Variants in CHRND observed in about 807,000 individuals in gnomAD.
The protein encoded by CHRND is cholinergic receptor nicotinic delta subunit, also known as acetylcholine receptor subunit delta.
In CHRND, 40 loss-of-function variants were observed where a neutral mutation model predicts 57.8. The ratio of observed to expected loss-of-function variants is 0.69; its 90% CI spans 0.54 to 0.90. The LOEUF (loss-of-function observed/expected upper bound fraction) is 0.90. Ranked by LOEUF, CHRND falls within the 40% of genes least tolerant of loss-of-function variation. The probability of loss-of-function intolerance (pLI) is 0.00; values close to 1 mark genes in which losing one functional copy is unlikely to be tolerated. For synonymous variants in CHRND, 237 were observed against 270.6 expected, an observed-to-expected ratio of 0.88 and a Z score of 1.22; for missense variants, 634 against 673.9, an observed-to-expected ratio of 0.94 and a Z score of 0.66.
At chr2:232,531,780 T>A (rs539278587) in intron 9 of CHRND, 124 bp downstream of exon 9, 1 of 775,528 alleles carries the variant, frequency 1.3e-6, no homozygotes, top group African/African-American at 1.7e-5. Flanking sequence ...GACACCCCTG[T>A]CTCTATAAAC....
chr2:232,534,276 G>A lies in CHRND; in HGVS notation c.1305G>A (p.Leu435=), dbSNP rs1308099601. The A allele has an allele frequency of 1.9e-6, 3 of 1,614,108 alleles. No individual in the cohort carries two copies. The highest frequency in any genetic ancestry group is 1.3e-5 in the African/African-American group (1 of 74,936). The change falls in exon 11 of 12, where the codon CTG becomes CTA. Residue 435 remains leucine, a synonymous_variant. Coordinates refer to ENST00000258385, the MANE Select transcript of CHRND (RefSeq NM_000751.3). ...CCCAGCAGGAACTCTTCAATGAGCT[G>A]AAGCCAGCTGTGGATGGGGCAAACT... is the stretch of plus-strand genomic sequence containing the variant. The part of the protein sequence containing the change: ...EQAQQELFNE[L]KPAVDGANFI...
Position 232,535,628 on chromosome 2 carries a change from CAGAT to C in CHRND, c.*319_*322del, listed in dbSNP as rs758688487. On this transcript the variant is annotated 3_prime_UTR_variant, in exon 12 of 12. Coordinates refer to ENST00000258385, the MANE Select transcript of CHRND (RefSeq NM_000751.3). ...GGGGAGAGCTCTGATAGGGGTGAGA[CAGAT>C]AGGGCCCCTTCTCTGCTTCTCCTCC... 67 of 551,454 alleles carry C rather than the reference CAGAT, an allele frequency of 1.2e-4. 1 individual carries two copies. The highest frequency in any genetic ancestry group is 2.8e-5 in the Non-Finnish European group (8 of 290,738). 34.2% of individuals were successfully genotyped at this position (551,454 alleles called of 1,614,324 possible). A position where few individuals can be genotyped will look rare whatever the true frequency, so the allele number is the denominator to read the frequency against.
At chr2:232,532,663 C>T (rs1229670982) in intron 9 of CHRND, among the ~76,000 whole-genome samples, 5 of 152,154 alleles carry the variant, frequency 3.3e-5, no homozygotes, top group Admixed American at 6.5e-5. Flanking sequence ...GACGCAGCAG[C>T]ACATGCTGCA....
At position 232,528,238 on chromosome 2, in the gene CHRND, G is replaced by C. The variant is rs774721327; in HGVS notation, c.244-24G>C. ...AGCCTGGATGGCTGCAGAGTGCACT[G>C]GTGACATGCCTTTGGGATTCCAGGG... is the stretch of plus-strand genomic sequence containing the variant. On this transcript the variant is annotated intron_variant, in intron 3 of 11. Coordinates refer to ENST00000258385, the MANE Select transcript of CHRND (RefSeq NM_000751.3). The C allele has an allele frequency of 2.5e-6, 4 of 1,610,198 alleles. No individual in the cohort carries two copies. The South Asian group carries it at 4.4e-5, about 18-fold the overall frequency.
chr2:232,526,441 C>T (rs957944888), intron 1 of CHRND, 88 bp from the exon 2 acceptor site: 81 of 1,599,738 alleles, frequency 5.1e-5, no homozygotes, highest in Non-Finnish European at 6.7e-5. Flanking sequence ...TCATCCCAAC[C>T]TCATGGTCCA....
Position 232,531,385 on chromosome 2 carries a change from T to C in CHRND, c.854T>C (p.Leu285Pro). The C allele has an allele frequency of 6.2e-7, 1 of 1,613,828 alleles. No homozygotes were observed. The highest frequency in any genetic ancestry group is 8.5e-7 in the Non-Finnish European group (1 of 1,179,958). The change falls in exon 8 of 12, where the codon CTC becomes CCC. Residue 285 changes from leucine (L) to proline (P), a missense_variant. By Grantham distance (98) the Leu-to-Pro change is moderately conservative. Coordinates refer to ENST00000258385, the MANE Select transcript of CHRND (RefSeq NM_000751.3). ...GEKTSVAISV[L>P]LAQSVFLLLI... is the part of the protein sequence containing the mutation. ...AAGACATCAGTGGCCATCTCGGTGC[T>C]CCTGGCTCAGTCTGTCTTCCTGCTG...
chr2:232,532,856 T>A (rs1285346302), intron 9 of CHRND, among the ~76,000 whole-genome samples: 1 of 152,142 alleles, frequency 6.6e-6, no homozygotes, highest in African/African-American at 2.4e-5. Flanking sequence ...TCTGTAAAAA[T>A]TCATCTAGCT....
intron 6 of CHRND, 25 bp downstream of exon 6, chr2:232,528,996 TG>T (rs765739234): frequency 1.9e-6 from 3 of 1,571,132 alleles, no homozygotes; most frequent in Non-Finnish European, 2.6e-6. Context: ...CGCCAGTGGG[TG>T]GGCAGGTCCC....
chr2:232,534,985 C>A, intron 11 of CHRND, 145 bp from the exon 12 acceptor site: 2 of 905,012 alleles, frequency 2.2e-6, no homozygotes, highest in Non-Finnish European at 3.4e-6. Flanking sequence ...TTGCTGGGGA[C>A]AAGCCAGCAT....
chr2:232,535,663 G>T lies in CHRND; in HGVS notation c.*351G>T. 2.0e-6 allele frequency: 1 copy of T among 492,732 alleles called. No individual in the cohort carries two copies. Among genetic ancestry groups the T allele is most frequent in the Non-Finnish European group, 4.0e-6 (1 of 253,012 alleles). 30.5% of individuals were successfully genotyped at this position (492,732 alleles called of 1,614,324 possible). A position where few individuals can be genotyped will look rare whatever the true frequency, so the allele number is the denominator to read the frequency against. Reference sequence around the variant, plus strand: ...CCCTTCTCTGCTTCTCCTCCCCCAAGGTGTGGGGTAGAGCAGGCAGGAATC... The same window carrying T: ...CCCTTCTCTGCTTCTCCTCCCCCAATGTGTGGGGTAGAGCAGGCAGGAATC... On this transcript the variant is annotated 3_prime_UTR_variant, in exon 12 of 12. Transcript: ENST00000258385.
rs1691834157 is a variant in CHRND, at chr2:232,535,059, G to T, written c.1372-71G>T. The stretch of plus-strand genomic sequence containing the variant: ...AGCCGCCCTCTGCCTCCATGGCTGG[G>T]CCCCAGCTTGGGGGTGGGGCTTTGT... On this transcript the variant is annotated intron_variant, in intron 11 of 11. Coordinates refer to ENST00000258385, the MANE Select transcript of CHRND (RefSeq NM_000751.3). 6.9e-6 allele frequency: 11 copies of T among 1,583,268 alleles called. No individual in the cohort carries two copies. In the Admixed American group the frequency reaches 1.8e-4, roughly 27 times the overall value.
chr2:232,528,912 C>G lies in CHRND; in HGVS notation c.560C>G (p.Ala187Gly), dbSNP rs1427684667. 1 of 1,614,058 alleles carries G rather than the reference C, an allele frequency of 6.2e-7. No individual in the cohort carries two copies. Among genetic ancestry groups the G allele is most frequent in the Non-Finnish European group, 8.5e-7 (1 of 1,180,018 alleles). Reference sequence around the variant, plus strand: ...ATCACCCTGAGCCTGAAACAGGATGCCAAGGAGAACCGCACCTACCCCGTG... The same window carrying G: ...ATCACCCTGAGCCTGAAACAGGATGGCAAGGAGAACCGCACCTACCCCGTG... The part of the protein sequence containing the change: ...KEITLSLKQD[A>G]KENRTYPVEW... The change falls in exon 6 of 12, where the codon GCC becomes GGC. Residue 187 changes from alanine to glycine, a missense_variant. Physicochemically the swap from Ala to Gly is moderately conservative, Grantham distance 60 (BLOSUM62 0). Transcript: ENST00000258385.
At position 232,535,302 on chromosome 2, in the gene CHRND, G is replaced by T; in HGVS notation, c.1544G>T (p.Arg515Leu). 2 of 1,613,536 alleles carry T rather than the reference G, an allele frequency of 1.2e-6. No individual in the cohort carries two copies. The highest frequency in any genetic ancestry group is 2.7e-5 in the African/African-American group (2 of 75,072). ...TACTCCTACAACGTGCAGGACAAGC[G>T]CTTCATCTAGGGTGGGCCTGTTGGG... ...DPYSYNVQDK[R>L]FI The change falls in exon 12 of 12, where the codon CGC (arginine) becomes CTC (leucine). Residue 515 changes from arginine (R) to leucine (L), a missense_variant. Physicochemically the swap from Arg to Leu is moderately radical, Grantham distance 102. Coordinates refer to ENST00000258385, the MANE Select transcript of CHRND (RefSeq NM_000751.3).
Position 232,536,254 on chromosome 2 carries a change from C to T in CHRND, c.*942C>T, listed in dbSNP as rs571263995. 1.2e-3 allele frequency: 540 copies of T among 453,992 alleles called. 1 individual carries two copies. The highest frequency in any genetic ancestry group is 1.4e-3 in the Non-Finnish European group (319 of 226,804). 28.1% of individuals were successfully genotyped at this position (453,992 alleles called of 1,614,324 possible). ...CAGTATTCACACCCTTGTGCAGTCC[C>T]CTCACTCTGTACCAGGGTGGGTCTG... On this transcript the variant is annotated 3_prime_UTR_variant, in exon 12 of 12. Transcript: ENST00000258385.
At chr2:232,530,919 A>T (rs1418649242) in intron 7 of CHRND, among the ~76,000 whole-genome samples, 1 of 152,098 alleles carries the variant, frequency 6.6e-6, no homozygotes, top group African/African-American at 2.4e-5. Context: ...AGGGGCTGGG[A>T]GTTGAGGTGT....
chr2:232,532,157 TA>T (rs977959589), intron 9 of CHRND, among the ~76,000 whole-genome samples: 1 of 150,980 alleles, frequency 6.6e-6, no homozygotes, highest in African/African-American at 2.4e-5. Context: ...ACCCCATCTC[TA>T]AAAAAATAAA....
Position 232,526,371 on chromosome 2 carries a change from C to G in CHRND, c.52+104C>G. 3.3e-6 allele frequency: 5 copies of G among 1,520,188 alleles called. No individual in the cohort carries two copies. The South Asian group carries it at 6.0e-5, about 18-fold the overall frequency. 94.2% of individuals were successfully genotyped at this position (1,520,188 alleles called of 1,614,324 possible). On this transcript the variant is annotated intron_variant, in intron 1 of 11. Transcript: ENST00000258385. ...CTCCACTCCCACTCTGCCATCTCTC[C>G]CTGTGGGGGGCCGCCTTCTGGGGTC...
At position 232,528,892 on chromosome 2, in the gene CHRND, C is replaced by A; in HGVS notation, c.540C>A (p.Thr180=). The A allele has an allele frequency of 1.9e-6, 3 of 1,614,108 alleles. No individual in the cohort carries two copies. In the South Asian group the frequency reaches 3.3e-5, roughly 18 times the overall value. Residue 180 remains threonine (T), a synonymous_variant, in exon 6 of 12, where the codon ACC becomes ACA. Transcript: ENST00000258385. The part of the protein sequence containing the change: ...SSLKYTAKEI[T]LSLKQDAKEN... Reference sequence around the variant, plus strand: ...TCAAGTATACGGCCAAAGAGATCACCCTGAGCCTGAAACAGGATGCCAAGG... The same window carrying A: ...TCAAGTATACGGCCAAAGAGATCACACTGAGCCTGAAACAGGATGCCAAGG...
Position 232,533,918 on chromosome 2 carries a change from G to A in CHRND, c.1048-13G>A. On this transcript the variant is annotated splice_polypyrimidine_tract_variant and intron_variant, in intron 9 of 11. Coordinates refer to ENST00000258385, the MANE Select transcript of CHRND (RefSeq NM_000751.3). ...AACAACGCCTTTCTTGTGGCCCCTT[G>A]ACATGGCCCCAGCTCTTCCTGGAGA... The A allele has an allele frequency of 6.2e-7, 1 of 1,611,598 alleles. No homozygotes were observed. Among genetic ancestry groups the A allele is most frequent in the Non-Finnish European group, 8.5e-7 (1 of 1,179,764 alleles).
Sources: gnomAD v4.1 joint callset for allele counts (sites outside exome capture counted in the v4.1 genomes callset) on GRCh38, gnomAD v4.1.1 for gene constraint, MANE v1.5 for transcripts, NCBI Gene and HGNC (gene_info 2026-07-23, HGNC 2026-07-21) for gene names.